Variants in PCDHGB4 observed in about 807,000 individuals in gnomAD.
PCDHGB4 encodes protocadherin gamma subfamily B, 4.
In PCDHGB4, 38 loss-of-function variants were observed where a neutral mutation model predicts 60.5. That is an observed-to-expected ratio of 0.63 (90% confidence interval 0.48 to 0.82). The LOEUF is 0.82. PCDHGB4 is among the 40% of genes least tolerant of loss of function. PCDHGB4 has a pLI of 0.00. For missense variants in PCDHGB4, 1,109 were observed against 1,209.6 expected (o/e 0.92, Z 1.23); for synonymous variants, 456 against 509.7 (o/e 0.89, Z 1.42).
In PCDHGB4 at chr5:141,476,707, G is replaced by A. The variant is rs1309848893; in HGVS notation, c.2398-18100G>A. 6.2e-7 allele frequency: 1 copy of A among 1,614,206 alleles called. No individual in the cohort carries two copies. The highest frequency in any genetic ancestry group is 1.7e-5 in the Admixed American group (1 of 60,032). On this transcript the variant is annotated intron_variant, in intron 1 of 3. Coordinates refer to ENST00000519479, the MANE Select transcript of PCDHGB4 (RefSeq NM_003736.4). This position sits in a 1 kb window ranked among gnomAD's most constrained non-coding sequence, Gnocchi z 7.6. ...ACAGCACCAAGTACGCGGAGCTGGT[G>A]TTGGAGCGCGCCCTGGACCGAGAAC...
In PCDHGB4 at chr5:141,494,886, C is replaced by T. The variant is rs1212594477; in HGVS notation, c.2456+21C>T. ...AGCGGGTAGGTGACTGATTCTCCAG[C>T]CCACCCTCTTCTCTGCGGCATTTTC... On this transcript the variant is annotated intron_variant, in intron 2 of 3. Coordinates refer to ENST00000519479, the MANE Select transcript of PCDHGB4 (RefSeq NM_003736.4). 8 of 1,614,010 alleles carry T rather than the reference C, an allele frequency of 5.0e-6. No homozygotes were observed. The Admixed American group carries it at 8.3e-5, about 17-fold the overall frequency.
chr5:141,501,508 C>A (rs1378333182), intron 2 of PCDHGB4, among the ~76,000 whole-genome samples: 1 of 151,960 alleles, frequency 6.6e-6, no homozygotes, highest in Non-Finnish European at 1.5e-5. Flanking sequence ...GGCTCCAAGG[C>A]CTCCAAGCTG....
Position 141,476,264 on chromosome 5 carries a change from G to C in PCDHGB4, c.2398-18543G>C, listed in dbSNP as rs753184649. The C allele has an allele frequency of 6.2e-7, 1 of 1,614,082 alleles. No individual in the cohort carries two copies. Among genetic ancestry groups the C allele is most frequent in the Non-Finnish European group, 8.5e-7 (1 of 1,180,010 alleles). On this transcript the variant is annotated intron_variant, in intron 1 of 3. Transcript: ENST00000519479. This position sits in a 1 kb window ranked among gnomAD's most constrained non-coding sequence, Gnocchi z 7.6. ...AGAGAAGGGTTTCGCTGTGGGCAAC[G>C]TGGTCGCGAACCTTGGTTTGGATCT...
In PCDHGB4 at chr5:141,432,921, A is replaced by G; in HGVS notation, c.2397+42640A>G. On this transcript the variant is annotated intron_variant, in intron 1 of 3. Transcript: ENST00000519479. The surrounding 1 kb of genome is among the most constrained non-coding windows in gnomAD (Gnocchi z 6.0). ...GCGCTCAGGCTGCGGCGCTGGCACAAGTCACGCCTGCTGCAGGCTTCAGGA... is the reference window on the plus strand; with the variant it reads ...GCGCTCAGGCTGCGGCGCTGGCACAGGTCACGCCTGCTGCAGGCTTCAGGA... 6.2e-7 allele frequency: 1 copy of G among 1,614,114 alleles called. No individual in the cohort carries two copies. The highest frequency in any genetic ancestry group is 1.7e-4 in the Middle Eastern group (1 of 6,060).
intron 1 of PCDHGB4, among the ~76,000 whole-genome samples, chr5:141,434,767 C>T (rs2097715264): frequency 6.6e-6 from 1 of 151,182 alleles, no homozygotes. Flanking sequence ...CCACTTCACA[C>T]TTCTAAAAAA....
At chr5:141,424,628 A>C (rs962512805) in intron 1 of PCDHGB4, 3 of 152,348 alleles carry the variant, frequency 2.0e-5, no homozygotes, top group African/African-American at 7.2e-5. Flanking sequence ...GTTTGTGAAT[A>C]TATAAATAGA....
In PCDHGB4 at chr5:141,490,113, C is replaced by G. The variant is rs2099696295; in HGVS notation, c.2398-4694C>G. Reference sequence around the variant, plus strand: ...ACCACACATCTGAGGCAGTGCGGAACCTCTTTGGCCTAGACCCTAGCAGTG... The same window carrying G: ...ACCACACATCTGAGGCAGTGCGGAAGCTCTTTGGCCTAGACCCTAGCAGTG... On this transcript the variant is annotated intron_variant, in intron 1 of 3. Transcript: ENST00000519479. This position sits in a 1 kb window ranked among gnomAD's most constrained non-coding sequence, Gnocchi z 5.4. 1 of 1,614,258 alleles carries G rather than the reference C, an allele frequency of 6.2e-7. No individual in the cohort carries two copies.
chr5:141,478,095 C>T, intron 1 of PCDHGB4: 5 of 1,614,100 alleles, frequency 3.1e-6, no homozygotes, highest in Non-Finnish European at 4.2e-6. Context: ...TCCACCACTG[C>T]TACCCTCACT....
In PCDHGB4 at chr5:141,405,081, C is replaced by T. The variant is rs749102403; in HGVS notation, c.2397+14800C>T. 1.0e-4 allele frequency: 163 copies of T among 1,613,766 alleles called. No homozygotes were observed. The highest frequency in any genetic ancestry group is 1.2e-4 in the Non-Finnish European group (138 of 1,179,768). ...TGTGTCTTCCTCACCTTCGTTATCA[C>T]GCTGCTGGCCCTCAGGCTGAGGCAC... On this transcript the variant is annotated intron_variant, in intron 1 of 3. Transcript: ENST00000519479.
chr5:141,453,101 T>TTTCTG (rs1554138035), intron 1 of PCDHGB4, among the ~76,000 whole-genome samples: 1 of 152,012 alleles, frequency 6.6e-6, no homozygotes, highest in Non-Finnish European at 1.5e-5. Context: ...TTCTGTTGCT[T>TTTCTG]TTTTGTTTTG....
chr5:141,476,837 G>A lies in PCDHGB4; in HGVS notation c.2398-17970G>A, dbSNP rs1160244271. 4 of 1,613,534 alleles carry A rather than the reference G, an allele frequency of 2.5e-6. No individual in the cohort carries two copies. The highest frequency in any genetic ancestry group is 3.4e-6 in the Non-Finnish European group (4 of 1,180,054). On this transcript the variant is annotated intron_variant, in intron 1 of 3. Coordinates refer to ENST00000519479, the MANE Select transcript of PCDHGB4 (RefSeq NM_003736.4). The surrounding 1 kb of genome is among the most constrained non-coding windows in gnomAD (Gnocchi z 7.6). Reference sequence around the variant, plus strand: ...CAAGGTGCTGGACGCGAATGACAATGCGCCTGTCTTCAACCAGTCCTTGTA... The same window carrying A: ...CAAGGTGCTGGACGCGAATGACAATACGCCTGTCTTCAACCAGTCCTTGTA...
At chr5:141,423,139 G>T (rs2096713828) in intron 1 of PCDHGB4, 4 of 1,613,498 alleles carry the variant, frequency 2.5e-6, no homozygotes, top group Non-Finnish European at 3.4e-6. Flanking sequence ...GGACAGAGAC[G>T]CGCTCAAGCA....
rs1481151067 is a variant in PCDHGB4, at chr5:141,477,223, T to A, written c.2398-17584T>A. On this transcript the variant is annotated intron_variant, in intron 1 of 3. Transcript: ENST00000519479. This position sits in a 1 kb window ranked among gnomAD's most constrained non-coding sequence, Gnocchi z 4.9. ...TACCCGAGGATGCCCCTCTGGGGAC[T>A]GTCATCGCTTTGCTCAGTGTGACTG... The A allele has an allele frequency of 6.2e-7, 1 of 1,614,198 alleles. No individual in the cohort carries two copies. The highest frequency in any genetic ancestry group is 1.1e-5 in the South Asian group (1 of 91,084).
chr5:141,473,233 C>T (rs116489525), intron 1 of PCDHGB4, among the ~76,000 whole-genome samples: 1,684 of 152,238 alleles, frequency 0.011, 34 homozygotes, highest in African/African-American at 0.039. Flanking sequence ...ATTGGATCCA[C>T]ACAAGTGAAT....
At chr5:141,496,892 A>AG (rs1372616572) in intron 2 of PCDHGB4, among the ~76,000 whole-genome samples, 1 of 151,766 alleles carries the variant, frequency 6.6e-6, no homozygotes, top group Non-Finnish European at 1.5e-5. Flanking sequence ...AACACTTAAA[A>AG]AAAAAAAAAA....
intron 2 of PCDHGB4, among the ~76,000 whole-genome samples, chr5:141,503,239 C>G (rs1364808315): frequency 6.6e-6 from 1 of 152,088 alleles, no homozygotes; most frequent in Non-Finnish European, 1.5e-5. Flanking sequence ...TGGACAGTTT[C>G]TATCATACTC....
chr5:141,433,547 C>G (rs2097621028), intron 1 of PCDHGB4, among the ~76,000 whole-genome samples: 1 of 152,086 alleles, frequency 6.6e-6, no homozygotes, highest in South Asian at 2.1e-4. Context: ...ATCAGATATT[C>G]TTTTCTGGCT....
chr5:141,496,737 C>T (rs900394639), intron 2 of PCDHGB4, among the ~76,000 whole-genome samples: 9 of 152,168 alleles, frequency 5.9e-5, no homozygotes, highest in African/African-American at 2.2e-4. Context: ...TTCATTCGTT[C>T]ATTTATTCAA....
At chr5:141,496,602 C>A (rs981108050) in intron 2 of PCDHGB4, among the ~76,000 whole-genome samples, 5 of 152,150 alleles carry the variant, frequency 3.3e-5, no homozygotes, top group Admixed American at 1.3e-4. Flanking sequence ...TCTTAGAAGG[C>A]CCCTAAAAAG....
Sources: gnomAD v4.1 joint callset for allele counts (sites outside exome capture counted in the v4.1 genomes callset) on GRCh38, gnomAD v4.1.1 for gene constraint, Gnocchi (gnomAD v3.1) non-coding constraint, MANE v1.5 for transcripts, NCBI Gene and HGNC (gene_info 2026-07-23, HGNC 2026-07-21) for gene names.